VPS13B: variants seen among roughly 807,000 people sequenced by gnomAD.
VPS13B encodes the protein vacuolar protein sorting 13 homolog B.
In VPS13B, 285 loss-of-function variants were observed where a neutral mutation model predicts 426.4. That is an observed-to-expected ratio of 0.67 (90% CI 0.61 to 0.74). The LOEUF (loss-of-function observed/expected upper bound fraction) is 0.74, where lower values mean the gene tolerates loss of function less well. Ranked by LOEUF, VPS13B falls within the 30% of genes least tolerant of loss-of-function variation. VPS13B has a pLI of 0.00. For synonymous variants in VPS13B, 1,676 were observed against 1,676.4 expected (o/e 1.00, Z 0.01); for missense variants, 4,537 against 4,782.6 (o/e 0.95, Z 1.51).
intron 21 of VPS13B, among the ~76,000 whole-genome samples, chr8:99,418,109 G>A (rs1244511752): frequency 1.3e-5 from 2 of 152,028 alleles, no homozygotes; most frequent in Non-Finnish European, 2.9e-5. Flanking sequence ...CTTCAAATAA[G>A]CATAAGCTTC....
At chr8:99,157,918 C>T (rs1233101799) in intron 15 of VPS13B, among the ~76,000 whole-genome samples, 1 of 152,170 alleles carries the variant, frequency 6.6e-6, no homozygotes, top group Non-Finnish European at 1.5e-5. Flanking sequence ...ACAATATTCC[C>T]TTAAATGAAA....
At chr8:99,419,121 G>T (rs1816238522) in intron 21 of VPS13B, among the ~76,000 whole-genome samples, 1 of 152,124 alleles carries the variant, frequency 6.6e-6, no homozygotes, top group Admixed American at 6.6e-5. Context: ...AGATCATGGG[G>T]GTAGTTTCTA....
rs1432822705 is a variant in VPS13B, at chr8:99,861,910, C to T, written c.11179C>T (p.Arg3727Ter). The change falls in exon 58 of 62, where the codon CGA becomes TGA. Residue 3727 changes from arginine to a stop codon, truncating the protein, a stop_gained. Coordinates refer to ENST00000357162, the MANE Select transcript of VPS13B (RefSeq NM_152564.5). LOFTEE classifies it high-confidence loss of function. ...QLPESLGEGL[R>*]QGLSRLGISL... ...CCCCGAGAGCCTGGGCGAGGGGCTT[C>T]GACAGGGCCTGTCCCGGCTGGGCAT... The T allele has an allele frequency of 2.5e-6, 4 of 1,597,686 alleles. No individual in the cohort carries two copies. The highest frequency in any genetic ancestry group is 1.7e-6 in the Non-Finnish European group (2 of 1,173,046).
At chr8:99,451,487 T>C (rs1017002725) in intron 23 of VPS13B, among the ~76,000 whole-genome samples, 6 of 152,226 alleles carry the variant, frequency 3.9e-5, no homozygotes, top group African/African-American at 1.4e-4. Context: ...TTGAATCTTA[T>C]GTATTGCTGG....
intron 31 of VPS13B, among the ~76,000 whole-genome samples, chr8:99,571,407 C>T (rs1211273884): frequency 2.0e-5 from 3 of 151,850 alleles, no homozygotes; most frequent in Non-Finnish European, 4.4e-5. Flanking sequence ...CAAATATTTA[C>T]CAGAGATATC....
intron 8 of VPS13B, among the ~76,000 whole-genome samples, chr8:99,133,301 A>G (rs1809900029): frequency 6.6e-6 from 1 of 152,122 alleles, no homozygotes; most frequent in Admixed American, 6.5e-5. Flanking sequence ...CAGCTTTCTT[A>G]CGTCTATTAG....
chr8:99,744,615 A>G (rs1392464098), intron 39 of VPS13B, among the ~76,000 whole-genome samples: 1 of 152,218 alleles, frequency 6.6e-6, no homozygotes, highest in Non-Finnish European at 1.5e-5. Context: ...TGTGGCACGT[A>G]TACACCATGG....
At chr8:99,674,615 T>G (rs561031746) in intron 35 of VPS13B, among the ~76,000 whole-genome samples, 1 of 152,098 alleles carries the variant, frequency 6.6e-6, no homozygotes, top group Non-Finnish European at 1.5e-5. Context: ...TGCCATTTTG[T>G]CAATTGTCTT....
At position 99,268,166 on chromosome 8, in the gene VPS13B, G is replaced by A. The variant is rs528735425; in HGVS notation, c.2516-6032G>A. On this transcript the variant is annotated intron_variant, in intron 17 of 61. Coordinates refer to ENST00000357162, the MANE Select transcript of VPS13B (RefSeq NM_152564.5). Reference sequence around the variant, plus strand: ...GGATGTGTGGAAATGCCTGGATGTCGACTCAGAAGTCTGCTACAGGGGCAG... The same window carrying A: ...GGATGTGTGGAAATGCCTGGATGTCAACTCAGAAGTCTGCTACAGGGGCAG... Among the ~76,000 whole-genome samples, 4 of 152,290 alleles carry A rather than the reference G, an allele frequency of 2.6e-5. No homozygotes were observed. In the East Asian group the frequency reaches 5.8e-4, roughly 22 times the overall value.
intron 2 of VPS13B, among the ~76,000 whole-genome samples, chr8:99,014,408 G>A (rs1315077816): frequency 6.6e-6 from 1 of 151,898 alleles, no homozygotes; most frequent in East Asian, 1.9e-4. Flanking sequence ...GTGAGCCACC[G>A]CGCCCGGCCT....
rs937076025 is a variant in VPS13B, at chr8:99,575,909, A to G, written c.5076+125A>G. 4.3e-6 allele frequency: 4 copies of G among 938,404 alleles called. No individual in the cohort carries two copies. The East Asian group carries it at 1.1e-4, about 25-fold the overall frequency. The allele number at this position is 938,404 out of a possible 1,614,324, so 58.1% of individuals were successfully genotyped here. Reference sequence around the variant, plus strand: ...TAGCTCATTAATAATAATGGCTACTATCATAGCTAACATTTATGGAGCACT... The same window carrying G: ...TAGCTCATTAATAATAATGGCTACTGTCATAGCTAACATTTATGGAGCACT... On this transcript the variant is annotated intron_variant, in intron 32 of 61. Coordinates refer to ENST00000357162, the MANE Select transcript of VPS13B (RefSeq NM_152564.5).
intron 8 of VPS13B, among the ~76,000 whole-genome samples, chr8:99,134,033 C>T (rs571046375): frequency 6.6e-6 from 1 of 152,222 alleles, no homozygotes; most frequent in South Asian, 2.1e-4. Context: ...AAGCAGAGTG[C>T]AATACAATGA....
At chr8:99,484,613 C>A (rs1270945300) in intron 25 of VPS13B, among the ~76,000 whole-genome samples, 1 of 152,050 alleles carries the variant, frequency 6.6e-6, no homozygotes, top group African/African-American at 2.4e-5. Context: ...ACTATGTTTT[C>A]TTATGTCATC....
At chr8:99,433,846 G>C (rs568873419) in intron 22 of VPS13B, among the ~76,000 whole-genome samples, 46 of 151,784 alleles carry the variant, frequency 3.0e-4, no homozygotes, top group African/African-American at 9.9e-4. Context: ...TTACTCTGTC[G>C]CCCAGGCTGG....
chr8:99,088,034 A>C (rs992599631), intron 3 of VPS13B, among the ~76,000 whole-genome samples: 1 of 151,874 alleles, frequency 6.6e-6, no homozygotes, highest in Admixed American at 6.6e-5. Context: ...AAATACAAAA[A>C]TTAGCTGGGC....
intron 61 of VPS13B, among the ~76,000 whole-genome samples, chr8:99,872,385 A>T (rs949873388): frequency 3.0e-4 from 46 of 152,120 alleles, no homozygotes; most frequent in African/African-American, 1.1e-3. Context: ...CCTGAGTACC[A>T]CAGAATCCCC....
At chr8:99,637,468 C>T (rs1403699550) in intron 33 of VPS13B, among the ~76,000 whole-genome samples, 1 of 152,026 alleles carries the variant, frequency 6.6e-6, no homozygotes, top group East Asian at 1.9e-4. Flanking sequence ...AGTCTTTCAT[C>T]TCTAGGTCAT....
intron 7 of VPS13B, among the ~76,000 whole-genome samples, chr8:99,116,679 C>T (rs1164674576): frequency 6.6e-6 from 1 of 152,034 alleles, no homozygotes; most frequent in South Asian, 2.1e-4. Context: ...AGCTATCTGC[C>T]CGCCTCAGCA....
chr8:99,509,078 G>T (rs1251090558), intron 28 of VPS13B, among the ~76,000 whole-genome samples: 2 of 151,952 alleles, frequency 1.3e-5, no homozygotes, highest in Non-Finnish European at 2.9e-5. Context: ...GATTTTTTTA[G>T]ATTAGTGGTC....
Sources: allele counts gnomAD v4.1 joint callset (sites outside exome capture counted in the v4.1 genomes callset), GRCh38; gene constraint gnomAD v4.1.1; transcripts MANE v1.5; gene names NCBI Gene and HGNC (gene_info 2026-07-23, HGNC 2026-07-21).